The following PPM1B variants were observed in gnomAD, a reference collection of about 807,000 sequenced individuals.
PPM1B encodes protein phosphatase, Mg2+/Mn2+ dependent 1B.
In PPM1B, 22 loss-of-function variants were observed where a neutral mutation model predicts 43.0. The observed-to-expected ratio is 0.51, with a 90% CI of 0.37 to 0.73. The LOEUF (loss-of-function observed/expected upper bound fraction) is 0.73, where lower values mean the gene tolerates loss of function less well. Ranked by LOEUF, PPM1B falls within the 30% of genes least tolerant of loss-of-function variation. The pLI, the probability that PPM1B is intolerant of heterozygous loss-of-function variation, is 0.00. For synonymous variants in PPM1B, 217 were observed against 197.9 expected (o/e 1.10, Z -0.81); for missense variants, 632 against 584.2 (o/e 1.08, Z -0.84).
chr2:44,234,091 G>A (rs562253796), downstream of PPM1B: 1 of 968,358 alleles, frequency 1.0e-6, no homozygotes, highest in Non-Finnish European at 1.2e-6. Flanking sequence ...GTATGATTCA[G>A]TTTTTAATGT....
downstream of PPM1B, chr2:44,234,243 G>T: frequency 4.1e-6 from 4 of 976,894 alleles, no homozygotes; most frequent in Non-Finnish European, 3.6e-6. Flanking sequence ...GCCTTTGGCC[G>T]GGTGCATTGG....
At position 44,230,480 on chromosome 2, in the gene PPM1B, T is replaced by G; in HGVS notation, c.1202T>G (p.Ile401Ser). ...GTGGAAGCTCTCAGGCAAATGAGAATTAATCATAGGGGAAACTACCGACAA... is the reference window on the plus strand; with the variant it reads ...GTGGAAGCTCTCAGGCAAATGAGAAGTAATCATAGGGGAAACTACCGACAA... ...KLVEALRQMR[I>S]NHRGNYRQLL... Residue 401 changes from isoleucine (I) to serine (S), a missense_variant, in exon 6 of 6, where the codon ATT becomes AGT. Ile to Ser is a moderately radical substitution (Grantham distance 142). Coordinates refer to ENST00000282412, the MANE Select transcript of PPM1B (RefSeq NM_002706.6). The G allele has an allele frequency of 6.2e-7, 1 of 1,614,112 alleles. No homozygotes were observed. The highest frequency in any genetic ancestry group is 8.5e-7 in the Non-Finnish European group (1 of 1,180,004).
At chr2:44,191,555 CTGTA>C (rs909401521) in intron 1 of PPM1B, among the ~76,000 whole-genome samples, 1 of 152,168 alleles carries the variant, frequency 6.6e-6, no homozygotes, top group African/African-American at 2.4e-5. Context: ...TGGCATCACA[CTGTA>C]TGTATCATTT....
At chr2:44,235,523 A>G (rs565795120), downstream of PPM1B, among the ~76,000 whole-genome samples, 44 of 151,334 alleles carry the variant, frequency 2.9e-4, no homozygotes, top group Non-Finnish European at 1.9e-4. Flanking sequence ...TAATTGCTTG[A>G]ACCCAGGTGA....
In PPM1B at chr2:44,213,978, C is replaced by T. The variant is rs530005942; in HGVS notation, c.965-3989C>T. ...GGTAGTTTTTATTTTAGGAAGAGCTCTCTAGTTTGGTCAGCTGGCTGTTAT... is the reference window on the plus strand; with the variant it reads ...GGTAGTTTTTATTTTAGGAAGAGCTTTCTAGTTTGGTCAGCTGGCTGTTAT... On this transcript the variant is annotated intron_variant, in intron 3 of 5. Transcript: ENST00000282412. Among the ~76,000 whole-genome samples the T allele has an allele frequency of 8.5e-5, 13 of 152,262 alleles. 1 individual carries two copies. The highest frequency in any genetic ancestry group is 3.1e-4 in the African/African-American group (13 of 41,548).
At chr2:44,230,012 G>C (rs763387874) in intron 5 of PPM1B, 11 of 1,591,998 alleles carry the variant, frequency 6.9e-6, no homozygotes, top group Non-Finnish European at 9.4e-6. Context: ...TGAAGAAACT[G>C]TTCTGATGGC....
At chr2:44,188,108 A>C (rs1668214939) in intron 1 of PPM1B, among the ~76,000 whole-genome samples, 1 of 152,204 alleles carries the variant, frequency 6.6e-6, no homozygotes, top group Non-Finnish European at 1.5e-5. Flanking sequence ...GGCTTACTTT[A>C]ACTTTCAAAA....
downstream of PPM1B, chr2:44,234,230 C>G (rs563772890): frequency 1.0e-6 from 1 of 979,818 alleles, no homozygotes; most frequent in Non-Finnish European, 1.2e-6. Context: ...TTTAAAAAAA[C>G]CTGCCTTTGG....
chr2:44,237,769 G>A (rs1670656481), downstream of PPM1B, among the ~76,000 whole-genome samples: 1 of 152,130 alleles, frequency 6.6e-6, no homozygotes. Flanking sequence ...GTACCACCCA[G>A]GAGTTACCCT....
At chr2:44,178,617 T>C (rs978727852) in intron 1 of PPM1B, among the ~76,000 whole-genome samples, 2 of 151,842 alleles carry the variant, frequency 1.3e-5, no homozygotes, top group African/African-American at 4.8e-5. Flanking sequence ...TACAGGCACC[T>C]GCCACCACAC....
chr2:44,228,916 C>T (rs776233200), intron 5 of PPM1B, among the ~76,000 whole-genome samples: 5 of 152,096 alleles, frequency 3.3e-5, no homozygotes, highest in Non-Finnish European at 7.4e-5. Flanking sequence ...GGCACGGTAG[C>T]TCACACCTGT....
intron 1 of PPM1B, among the ~76,000 whole-genome samples, chr2:44,173,870 G>A (rs879938487): frequency 2.0e-5 from 3 of 152,206 alleles, no homozygotes; most frequent in Non-Finnish European, 4.4e-5. Context: ...TTGTACCCGA[G>A]AGGTGAAGGT....
chr2:44,218,154 T>A, intron 4 of PPM1B, 76 bp downstream of exon 4: 1 of 1,058,626 alleles, frequency 9.4e-7, no homozygotes. Context: ...AAAACTTAAA[T>A]CAGAAGTACA....
In PPM1B at chr2:44,201,912, T is replaced by C. The variant is rs759403902; in HGVS notation, c.713T>C (p.Ile238Thr). 6.2e-6 allele frequency: 10 copies of C among 1,614,072 alleles called. No individual in the cohort carries two copies. The African/African-American group carries it at 6.7e-5, about 11-fold the overall frequency. The part of the protein sequence containing the change: ...EILRAEEDEF[I>T]ILACDGIWDV... ...TTAAGAGCAGAAGAGGATGAATTTA[T>C]CATCTTGGCTTGTGATGGGATCTGG... The change falls in exon 2 of 6, where the codon ATC (isoleucine) becomes ACC (threonine). Residue 238 changes from isoleucine to threonine, a missense_variant. Around this residue, in one of 3 missense-constraint regions of PPM1B, gnomAD observed 392 missense variants for 302.7 expected, o/e 1.29. Coordinates refer to ENST00000282412, the MANE Select transcript of PPM1B (RefSeq NM_002706.6). The surrounding 1 kb of genome is among the most constrained non-coding windows in gnomAD (Gnocchi z 5.4).
chr2:44,230,723 C>A lies in PPM1B; in HGVS notation c.*5C>A. 2.5e-6 allele frequency: 4 copies of A among 1,600,038 alleles called. No homozygotes were observed. Among genetic ancestry groups the A allele is most frequent in the African/African-American group, 1.3e-5 (1 of 74,570 alleles). The stretch of plus-strand genomic sequence containing the variant: ...ATGAGTGGTGAAAAAATATGACTTT[C>A]CTTTTTGGTAATATTTTTGTGATCT... On this transcript the variant is annotated 3_prime_UTR_variant, in exon 6 of 6. Transcript: ENST00000282412.
In PPM1B at chr2:44,209,296, G is replaced by A; in HGVS notation, c.933G>A (p.Glu311=). ...ATGAAGCGGTGAAAAAAGATTCAGA[G>A]TTGGATAAGCACTTGGAATCACGGG... ...VSDEAVKKDS[E]LDKHLESRVE... The change falls in exon 3 of 6, where the codon GAG becomes GAA. Residue 311 remains glutamate, a synonymous_variant. Coordinates refer to ENST00000282412, the MANE Select transcript of PPM1B (RefSeq NM_002706.6). 6.2e-7 allele frequency: 1 copy of A among 1,614,030 alleles called. No homozygotes were observed. The highest frequency in any genetic ancestry group is 8.5e-7 in the Non-Finnish European group (1 of 1,179,980).
rs749960441 is a variant in PPM1B at position 44,218,052 on chromosome 2, G to C, written c.1050G>C (p.Leu350Phe). The change falls in exon 4 of 6, where the codon TTG (leucine) becomes TTC (phenylalanine). Residue 350 changes from leucine to phenylalanine, a missense_variant. Around this residue, in one of 3 missense-constraint regions of PPM1B, gnomAD observed 392 missense variants for 302.7 expected, o/e 1.29. Coordinates refer to ENST00000282412, the MANE Select transcript of PPM1B (RefSeq NM_002706.6). Reference protein sequence around the residue: ...RILSAENIPNLPPGGGLAGKR... With the variant: ...RILSAENIPNFPPGGGLAGKR... Reference sequence around the variant, plus strand: ...TGTCTGCAGAAAATATCCCAAATTTGCCTCCTGGGGGAGGTCTTGCTGGCA... The same window carrying C: ...TGTCTGCAGAAAATATCCCAAATTTCCCTCCTGGGGGAGGTCTTGCTGGCA... 9.3e-6 allele frequency: 15 copies of C among 1,612,670 alleles called. No homozygotes were observed. Among genetic ancestry groups the C allele is most frequent in the African/African-American group, 4.0e-5 (3 of 74,788 alleles).
intron 5 of PPM1B, among the ~76,000 whole-genome samples, chr2:44,243,305 C>G (rs1411183181): frequency 1.3e-5 from 2 of 152,096 alleles, no homozygotes; most frequent in Non-Finnish European, 2.9e-5. Context: ...TTTTATTTTA[C>G]TTTAAAAGAA....
intron 2 of PPM1B, among the ~76,000 whole-genome samples, chr2:44,202,456 A>G (rs933579573): frequency 6.6e-6 from 1 of 152,220 alleles, no homozygotes; most frequent in South Asian, 2.1e-4. Context: ...GATGTACTAG[A>G]TGCCTAGCCT....
Sources: gnomAD v4.1 joint callset for allele counts (sites outside exome capture counted in the v4.1 genomes callset) on GRCh38, gnomAD v4.1.1 for gene constraint, gnomAD v4.1.1 regional missense constraint, Gnocchi (gnomAD v3.1) non-coding constraint, MANE v1.5 for transcripts, NCBI Gene and HGNC (gene_info 2026-07-23, HGNC 2026-07-21) for gene names.